PTPN3: variants seen among roughly 807,000 people sequenced by gnomAD.
PTPN3 encodes protein tyrosine phosphatase non-receptor type 3.
PTPN3 carries 96 observed loss-of-function variants against 132.7 expected under a neutral mutation model. The observed-to-expected ratio is 0.72, with a 90% confidence interval of 0.61 to 0.86. The LOEUF is 0.86. PTPN3 is among the 40% of genes least tolerant of loss of function. The pLI is 0.00. For missense variants in PTPN3, 1,125 were observed against 1,159.6 expected, an observed-to-expected ratio of 0.97 and a Z score of 0.43; for synonymous variants, 398 against 429.0, an observed-to-expected ratio of 0.93 and a Z score of 0.89.
intron 14 of PTPN3, among the ~76,000 whole-genome samples, chr9:109,416,653 C>T (rs1179678838): frequency 1.3e-5 from 2 of 151,896 alleles, no homozygotes; most frequent in African/African-American, 4.8e-5. Flanking sequence ...TGCCATGTTG[C>T]CCAGGCTGGT....
intron 14 of PTPN3, among the ~76,000 whole-genome samples, chr9:109,414,138 G>A (rs960461579): frequency 1.3e-5 from 2 of 152,226 alleles, no homozygotes; most frequent in African/African-American, 2.4e-5. Context: ...GGTACCAAGA[G>A]GATCACCCGA....
In PTPN3 at chr9:109,468,609, G is replaced by A. The variant is rs541003134; in HGVS notation, c.-17-5158C>T. Among the ~76,000 whole-genome samples, 7 of 152,178 alleles carry A rather than the reference G, an allele frequency of 4.6e-5. No individual in the cohort carries two copies. In the East Asian group the frequency reaches 9.7e-4, roughly 21 times the overall value. Reference sequence around the variant, plus strand: ...TCTCGATCTCCTGACCTCGTGATCCGCCCACCTCGGCCTCCCAAAGTGCTG... The same window carrying A: ...TCTCGATCTCCTGACCTCGTGATCCACCCACCTCGGCCTCCCAAAGTGCTG... On this transcript the variant is annotated intron_variant, in intron 1 of 25. Transcript: ENST00000374541.
chr9:109,412,037 C>A (rs1252161399), intron 14 of PTPN3, among the ~76,000 whole-genome samples: 2 of 152,172 alleles, frequency 1.3e-5, no homozygotes, highest in African/African-American at 4.8e-5. Flanking sequence ...CCCCCAAATA[C>A]GGCATCTTTG....
chr9:109,419,188 T>C lies in PTPN3; in HGVS notation c.1313+1236A>G, dbSNP rs1588385301. On this transcript the variant is annotated intron_variant, in intron 14 of 25. Coordinates refer to ENST00000374541, the MANE Select transcript of PTPN3 (RefSeq NM_002829.4). Reference sequence around the variant, plus strand: ...AAGGAAAGAATGACCACAGGGATTATTTAACCAGAGGTGTTAAGAACACAG... The same window carrying C: ...AAGGAAAGAATGACCACAGGGATTACTTAACCAGAGGTGTTAAGAACACAG... Among the ~76,000 whole-genome samples, 3 of 152,354 alleles carry C rather than the reference T, an allele frequency of 2.0e-5. No individual in the cohort carries two copies. The South Asian group carries it at 6.2e-4, about 32-fold the overall frequency.
chr9:109,443,063 C>T (rs961602101), intron 7 of PTPN3, among the ~76,000 whole-genome samples: 1 of 150,770 alleles, frequency 6.6e-6, no homozygotes, highest in Non-Finnish European at 1.5e-5. Context: ...AACTGGCCAC[C>T]GGAGACATCA....
intron 19 of PTPN3, among the ~76,000 whole-genome samples, chr9:109,403,137 C>T: frequency 6.6e-6 from 1 of 152,104 alleles, no homozygotes; most frequent in East Asian, 1.9e-4. Flanking sequence ...AAGTCAGTCA[C>T]CTTTACTTTT....
chr9:109,519,332 G>T, the PTPN3 span, among the ~76,000 whole-genome samples: 1 of 152,182 alleles, frequency 6.6e-6, no homozygotes, highest in Non-Finnish European at 1.5e-5. Flanking sequence ...TTGCCCAACC[G>T]TAGGCTAATG....
At chr9:109,535,481 C>G in the PTPN3 span, among the ~76,000 whole-genome samples, 2 of 152,046 alleles carry the variant, frequency 1.3e-5, no homozygotes, top group Non-Finnish European at 2.9e-5. Context: ...ATCTGATAAG[C>G]TTATTTTCTG....
At chr9:109,454,776 AT>A (rs1021768292) in intron 4 of PTPN3, among the ~76,000 whole-genome samples, 1 of 152,236 alleles carries the variant, frequency 6.6e-6, no homozygotes, top group Non-Finnish European at 1.5e-5. Context: ...TTTATGCAAC[AT>A]CAGCACAGAC....
chr9:109,533,163 A>G, the PTPN3 span, among the ~76,000 whole-genome samples: 2 of 70,438 alleles, frequency 2.8e-5, no homozygotes, highest in Admixed American at 2.1e-4. Flanking sequence ...TTTGAGACGG[A>G]GTCTCGCTCT....
At chr9:109,510,558 T>TAAA in the PTPN3 span, among the ~76,000 whole-genome samples, 224 of 74,114 alleles carry the variant, frequency 3.0e-3, 2 homozygotes, top group African/African-American at 9.1e-3. Flanking sequence ...AACTTTGTCT[T>TAAA]AAAAAAAAAA....
chr9:109,465,484 C>T (rs1227388400), intron 1 of PTPN3, among the ~76,000 whole-genome samples: 6 of 151,968 alleles, frequency 3.9e-5, no homozygotes, highest in Non-Finnish European at 5.9e-5. Flanking sequence ...CTGAAGCAGA[C>T]GGATCACCTG....
At chr9:109,405,644 T>C (rs1360309617) in intron 18 of PTPN3, among the ~76,000 whole-genome samples, 1 of 152,128 alleles carries the variant, frequency 6.6e-6, no homozygotes, top group Non-Finnish European at 1.5e-5. Flanking sequence ...GGCTGGAGTG[T>C]AGTGGCACAG....
intron 1 of PTPN3, among the ~76,000 whole-genome samples, chr9:109,467,753 G>A (rs772643609): frequency 7.9e-5 from 12 of 152,188 alleles, no homozygotes; most frequent in African/African-American, 2.2e-4. Flanking sequence ...TCGTGCTGGC[G>A]TGGGTGCCGC....
chr9:109,455,458 C>T (rs1845514379), intron 4 of PTPN3, among the ~76,000 whole-genome samples: 1 of 152,200 alleles, frequency 6.6e-6, no homozygotes, highest in South Asian at 2.1e-4. Flanking sequence ...TAGATCTCCT[C>T]CTCTACCTGA....
At chr9:109,391,260 A>G in intron 20 of PTPN3, 61 bp from the exon 21 acceptor site, 2 of 1,510,446 alleles carry the variant, frequency 1.3e-6, no homozygotes, top group Non-Finnish European at 1.8e-6. Flanking sequence ...TACCAAGTAA[A>G]CCAGAGTTCA....
intron 1 of PTPN3, among the ~76,000 whole-genome samples, chr9:109,479,952 AG>A (rs1484121668): frequency 6.6e-6 from 1 of 152,104 alleles, no homozygotes; most frequent in African/African-American, 2.4e-5. Flanking sequence ...ACAATATAAG[AG>A]GGTTACTATT....
chr9:109,532,894 G>A, the PTPN3 span: 3 of 1,078,754 alleles, frequency 2.8e-6, no homozygotes, highest in African/African-American at 1.7e-5. Flanking sequence ...CTGGTGGATC[G>A]GCTGCTTTTG....
intron 23 of PTPN3, among the ~76,000 whole-genome samples, chr9:109,383,093 A>G (rs1839253153): frequency 6.6e-6 from 1 of 152,178 alleles, no homozygotes; most frequent in African/African-American, 2.4e-5. Flanking sequence ...TTCACTTAGG[A>G]TAATATGCTC....
Sources: gnomAD v4.1 joint callset for allele counts (sites outside exome capture counted in the v4.1 genomes callset) on GRCh38, gnomAD v4.1.1 for gene constraint, MANE v1.5 for transcripts, NCBI Gene and HGNC (gene_info 2026-07-23, HGNC 2026-07-21) for gene names.